IMMP2L: variants seen among roughly 807,000 people sequenced by gnomAD.
IMMP2L encodes mitochondrial inner membrane protease subunit 2.
Under a neutral mutation model 19.3 loss-of-function variants are expected in IMMP2L, and 18 were observed. The ratio of observed to expected loss-of-function variants is 0.93; its 90% CI spans 0.64 to 1.38. The LOEUF (loss-of-function observed/expected upper bound fraction) is 1.38. Among genes scored for constraint, IMMP2L ranks in the 40% most tolerant of loss-of-function variants. IMMP2L has a pLI of 0.00. For missense variants in IMMP2L, 233 were observed against 218.2 expected (o/e 1.07, Z -0.43); for synonymous variants, 76 against 73.0 (o/e 1.04, Z -0.21).
intron 1 of IMMP2L, among the ~76,000 whole-genome samples, chr7:111,535,556 T>C (rs1847812118): frequency 6.6e-6 from 1 of 152,100 alleles, no homozygotes; most frequent in Non-Finnish European, 1.5e-5. Flanking sequence ...TAAACAGTCA[T>C]CAACTATGGT....
intron 3 of IMMP2L, among the ~76,000 whole-genome samples, chr7:111,166,951 A>G (rs1805886008): frequency 6.6e-6 from 1 of 151,958 alleles, no homozygotes; most frequent in South Asian, 2.1e-4. Context: ...GCATCTGCAA[A>G]GATTCCTTTT....
At chr7:110,821,073 A>T (rs561651974) in intron 5 of IMMP2L, among the ~76,000 whole-genome samples, 2 of 151,616 alleles carry the variant, frequency 1.3e-5, no homozygotes, top group East Asian at 3.9e-4. Context: ...AACTCATTTA[A>T]CTCTTCCCAA....
At chr7:111,097,530 G>A (rs933866201) in intron 3 of IMMP2L, among the ~76,000 whole-genome samples, 4 of 151,576 alleles carry the variant, frequency 2.6e-5, no homozygotes, top group South Asian at 4.1e-4. Flanking sequence ...AATGTTGAGA[G>A]ATTAAAGCAT....
At chr7:111,407,429 T>C (rs1166562519) in intron 3 of IMMP2L, among the ~76,000 whole-genome samples, 4 of 151,928 alleles carry the variant, frequency 2.6e-5, no homozygotes, top group South Asian at 2.1e-4. Context: ...GGTGTGTGGA[T>C]TAACAAAATG....
chr7:110,832,932 T>C (rs1001506639), intron 5 of IMMP2L, among the ~76,000 whole-genome samples: 1 of 152,304 alleles, frequency 6.6e-6, no homozygotes, highest in Admixed American at 6.5e-5. Flanking sequence ...GTTTCCCTGC[T>C]CCCTCCAGTA....
chr7:111,040,024 G>T (rs567462879), intron 3 of IMMP2L, among the ~76,000 whole-genome samples: 2 of 152,282 alleles, frequency 1.3e-5, no homozygotes, highest in African/African-American at 4.8e-5. Flanking sequence ...AATTAGCTGG[G>T]CGTGGTGGCA....
Position 110,772,988 on chromosome 7 carries a change from C to T in IMMP2L, c.409-109267G>A, listed in dbSNP as rs185459697. Among the ~76,000 whole-genome samples, 50 of 151,908 alleles carry T rather than the reference C, an allele frequency of 3.3e-4. No homozygotes were observed. The East Asian group carries it at 7.8e-3, about 24-fold the overall frequency. On this transcript the variant is annotated intron_variant, in intron 5 of 5. Coordinates refer to ENST00000405709, the MANE Select transcript of IMMP2L (RefSeq NM_032549.4). ...CCTTTGTCCTTTCAAATGTATACTACCCTTAAAATAATTACAAACATGGAT... is the reference window on the plus strand; with the variant it reads ...CCTTTGTCCTTTCAAATGTATACTATCCTTAAAATAATTACAAACATGGAT...
intron 5 of IMMP2L, among the ~76,000 whole-genome samples, chr7:110,684,180 G>C (rs1792939584): frequency 1.3e-5 from 2 of 152,236 alleles, no homozygotes; most frequent in East Asian, 3.9e-4. Flanking sequence ...TAAACCAGAA[G>C]AAATTCCTCA....
At chr7:111,388,627 T>A (rs1175535112) in intron 3 of IMMP2L, among the ~76,000 whole-genome samples, 1 of 151,986 alleles carries the variant, frequency 6.6e-6, no homozygotes, top group Non-Finnish European at 1.5e-5. Flanking sequence ...GAGGCCTCAG[T>A]ATCATGGCAG....
In IMMP2L at chr7:111,539,194, G is replaced by GGAAGGAA. The variant is rs1563330607; in HGVS notation, c.-2-17746_-2-17745insTTCCTTC. On this transcript the variant is annotated intron_variant, in intron 1 of 5. Transcript: ENST00000405709. ...AAGGAAGGAAGGAAGGAAGGAAGGA[G>GGAAGGAA]GGAGAAAGAAAGAAAGAAAGAAAGA... Among the ~76,000 whole-genome samples the GGAAGGAA allele has an allele frequency of 8.4e-3, 513 of 60,860 alleles. 70 individuals are homozygous for GGAAGGAA. Among genetic ancestry groups the GGAAGGAA allele is most frequent in the Middle Eastern group, 0.027 (3 of 112 alleles). The allele number at this position is 60,860 out of a possible 152,430, so 39.9% of individuals were successfully genotyped here.
chr7:111,556,015 C>CTATATATATATATAT, intron 1 of IMMP2L, among the ~76,000 whole-genome samples: 1 of 13,314 alleles, frequency 7.5e-5, no homozygotes, highest in Non-Finnish European at 5.1e-4. Context: ...CTTCTGTGTG[C>CTATATATATATATAT]ATGTATATAT....
intron 3 of IMMP2L, among the ~76,000 whole-genome samples, chr7:111,044,388 C>T (rs1023070871): frequency 2.0e-4 from 31 of 152,066 alleles, no homozygotes; most frequent in African/African-American, 6.7e-4. Flanking sequence ...GGTGAAACCC[C>T]GTCTCTACTA....
chr7:111,015,809 T>A (rs992452465), intron 3 of IMMP2L, among the ~76,000 whole-genome samples: 2 of 149,742 alleles, frequency 1.3e-5, no homozygotes, highest in Admixed American at 6.7e-5. Context: ...TTGAATGATT[T>A]AAAAAAAAAA....
At chr7:111,204,332 A>T (rs1810470663) in intron 3 of IMMP2L, among the ~76,000 whole-genome samples, 2 of 152,170 alleles carry the variant, frequency 1.3e-5, no homozygotes, top group Non-Finnish European at 1.5e-5. Flanking sequence ...ACAAGGGCAT[A>T]AAACAACAAC....
intron 3 of IMMP2L, among the ~76,000 whole-genome samples, chr7:111,107,282 A>T (rs547565336): frequency 4.6e-5 from 7 of 152,142 alleles, no homozygotes; most frequent in Admixed American, 1.3e-4. Flanking sequence ...CTAATAATTT[A>T]AATTATATGG....
At chr7:111,331,181 G>T (rs1268320351) in intron 3 of IMMP2L, among the ~76,000 whole-genome samples, 6 of 151,860 alleles carry the variant, frequency 4.0e-5, no homozygotes, top group Non-Finnish European at 8.8e-5. Context: ...CAACCTAAGT[G>T]CCCATCAATG....
intron 4 of IMMP2L, among the ~76,000 whole-genome samples, chr7:110,907,603 C>T (rs1269217654): frequency 6.6e-6 from 1 of 151,994 alleles, no homozygotes; most frequent in Non-Finnish European, 1.5e-5. Flanking sequence ...GCTTTGGGGC[C>T]CTCACTAGGG....
intron 3 of IMMP2L, among the ~76,000 whole-genome samples, chr7:111,272,280 T>C (rs1818548203): frequency 6.6e-6 from 1 of 152,152 alleles, no homozygotes; most frequent in South Asian, 2.1e-4. Context: ...GGGCTTTTGC[T>C]CATGCTAATG....
chr7:111,402,013 G>C (rs1356196531), intron 3 of IMMP2L, among the ~76,000 whole-genome samples: 1 of 151,576 alleles, frequency 6.6e-6, no homozygotes, highest in Non-Finnish European at 1.5e-5. Flanking sequence ...AGGAGGTTGA[G>C]GCAAGAGGAC....
Sources: gnomAD v4.1 joint callset for allele counts (sites outside exome capture counted in the v4.1 genomes callset) on GRCh38, gnomAD v4.1.1 for gene constraint, MANE v1.5 for transcripts, NCBI Gene and HGNC (gene_info 2026-07-23, HGNC 2026-07-21) for gene names.